LRRC4C: variants seen among roughly 807,000 people sequenced by gnomAD.
LRRC4C encodes the protein leucine-rich repeat-containing protein 4C.
Under a neutral mutation model 33.6 loss-of-function variants are expected in LRRC4C, and 5 were observed. That is an observed-to-expected ratio of 0.15 (90% CI 0.08 to 0.31). The LOEUF (loss-of-function observed/expected upper bound fraction) is 0.31, where lower values mean the gene tolerates loss of function less well. Among genes scored for constraint, LRRC4C ranks in the 10% least tolerant of loss-of-function variants. The probability of loss-of-function intolerance (pLI) is 1.00; values close to 1 mark genes in which losing one functional copy is unlikely to be tolerated. For synonymous variants in LRRC4C, 329 were observed against 302.0 expected, an observed-to-expected ratio of 1.09 and a Z score of -0.93; for missense variants, 560 against 796.7, an observed-to-expected ratio of 0.70 and a Z score of 3.58.
rs1394842107 is a variant in LRRC4C, at chr11:41,411,128, T to C, written c.-496+48303A>G. ...GCACTTGCTTTTAGATGAGAAACAC[T>C]TGGTTGGTACCCTATTTTTTTTTTT... On this transcript the variant is annotated intron_variant, in intron 1 of 6. Transcript: ENST00000528697. Among the ~76,000 whole-genome samples the C allele has an allele frequency of 2.7e-5, 4 of 147,460 alleles. No homozygotes were observed. In the East Asian group the frequency reaches 6.1e-4, roughly 22 times the overall value.
chr11:40,536,172 T>C (rs919027602), intron 3 of LRRC4C, among the ~76,000 whole-genome samples: 3 of 152,170 alleles, frequency 2.0e-5, no homozygotes, highest in Non-Finnish European at 4.4e-5. Flanking sequence ...AAACTAGGTA[T>C]AAGGCTGAAC....
chr11:41,238,071 T>A (rs1025155353), intron 1 of LRRC4C, among the ~76,000 whole-genome samples: 2 of 152,186 alleles, frequency 1.3e-5, no homozygotes, highest in African/African-American at 4.8e-5. Context: ...CCACTTCCTA[T>A]GAACAAATGT....
chr11:40,785,308 T>C (rs188505744), intron 2 of LRRC4C, among the ~76,000 whole-genome samples: 37 of 152,296 alleles, frequency 2.4e-4, no homozygotes, highest in Admixed American at 1.4e-3. Context: ...AGCATGTCCT[T>C]CAACTTTTAA....
intron 1 of LRRC4C, among the ~76,000 whole-genome samples, chr11:41,013,712 T>TA (rs1321264139): frequency 6.6e-6 from 1 of 152,160 alleles, no homozygotes; most frequent in African/African-American, 2.4e-5. Flanking sequence ...ATGATGCCTG[T>TA]ATTAGTCCGT....
At chr11:41,115,268 A>C (rs1942055085) in intron 1 of LRRC4C, among the ~76,000 whole-genome samples, 1 of 152,076 alleles carries the variant, frequency 6.6e-6, no homozygotes, top group African/African-American at 2.4e-5. Flanking sequence ...TTTAGTCATA[A>C]AATTTGAATT....
At chr11:40,643,699 A>G (rs1309699272) in intron 3 of LRRC4C, among the ~76,000 whole-genome samples, 1 of 152,178 alleles carries the variant, frequency 6.6e-6, no homozygotes, top group East Asian at 1.9e-4. Flanking sequence ...CCTCCCAGCC[A>G]GGGAGGTATC....
chr11:41,334,670 A>G (rs1014360225), intron 1 of LRRC4C, among the ~76,000 whole-genome samples: 5 of 152,042 alleles, frequency 3.3e-5, no homozygotes, highest in Non-Finnish European at 7.4e-5. Context: ...CTCTCTGCAA[A>G]TATTAAAATA....
At chr11:40,681,146 T>C (rs1278088384) in intron 2 of LRRC4C, among the ~76,000 whole-genome samples, 1 of 152,188 alleles carries the variant, frequency 6.6e-6, no homozygotes, top group Non-Finnish European at 1.5e-5. Flanking sequence ...AGCAGCCTAA[T>C]AGCAGAGGTA....
At chr11:40,452,348 A>T (rs1951926496) in intron 3 of LRRC4C, among the ~76,000 whole-genome samples, 1 of 152,058 alleles carries the variant, frequency 6.6e-6, no homozygotes, top group African/African-American at 2.4e-5. Context: ...AAAACAAACA[A>T]CCCCATCAAA....
In LRRC4C at chr11:40,314,538, C is replaced by T. The variant is rs1237641933; in HGVS notation, c.-176+5090G>A. On this transcript the variant is annotated intron_variant, in intron 4 of 6. Transcript: ENST00000528697. ...GAACTGCCATGTGATCCAGCAATCA[C>T]ATTACTGGGCATTTATCCAAAGGAG... Among the ~76,000 whole-genome samples the T allele has an allele frequency of 2.0e-5, 3 of 152,214 alleles. No homozygotes were observed. The East Asian group carries it at 5.8e-4, about 29-fold the overall frequency.
intron 2 of LRRC4C, among the ~76,000 whole-genome samples, chr11:40,768,129 G>A (rs1178308079): frequency 6.6e-6 from 1 of 151,862 alleles, no homozygotes; most frequent in African/African-American, 2.4e-5. Context: ...CAGAAATAAA[G>A]GAGACATTAC....
intron 6 of LRRC4C, among the ~76,000 whole-genome samples, chr11:40,117,315 C>A (rs999118624): frequency 2.6e-5 from 4 of 152,182 alleles, no homozygotes; most frequent in Non-Finnish European, 5.9e-5. Context: ...GAAACAGTGA[C>A]ATGCACATGT....
chr11:40,251,067 T>C (rs1207292378), intron 4 of LRRC4C, among the ~76,000 whole-genome samples: 2 of 152,170 alleles, frequency 1.3e-5, no homozygotes, highest in Non-Finnish European at 2.9e-5. Flanking sequence ...GCAGCAGTAG[T>C]ACATTTTGCA....
At chr11:41,059,917 C>T (rs753890486) in intron 1 of LRRC4C, among the ~76,000 whole-genome samples, 25 of 152,030 alleles carry the variant, frequency 1.6e-4, no homozygotes, top group Admixed American at 1.2e-3. Context: ...TCCAGCTACT[C>T]GGGGGTCTGA....
At chr11:41,269,551 C>A (rs544499724) in intron 1 of LRRC4C, among the ~76,000 whole-genome samples, 1 of 152,042 alleles carries the variant, frequency 6.6e-6, no homozygotes, top group Admixed American at 6.6e-5. Flanking sequence ...CCTGGACCAC[C>A]AGGGAGAAGG....
At chr11:40,285,108 G>A (rs1309448504) in intron 4 of LRRC4C, among the ~76,000 whole-genome samples, 1 of 152,080 alleles carries the variant, frequency 6.6e-6, no homozygotes, top group Non-Finnish European at 1.5e-5. Flanking sequence ...AATATAACAT[G>A]TATTTTTTTC....
intron 3 of LRRC4C, among the ~76,000 whole-genome samples, chr11:40,508,756 CTGGG>C (rs1955161763): frequency 6.6e-6 from 1 of 152,090 alleles, no homozygotes; most frequent in African/African-American, 2.4e-5. Flanking sequence ...TTCAAGGCTG[CTGGG>C]ATATTATATG....
chr11:41,078,683 C>A (rs546136964), intron 1 of LRRC4C, among the ~76,000 whole-genome samples: 5 of 152,224 alleles, frequency 3.3e-5, no homozygotes, highest in Admixed American at 3.3e-4. Context: ...CCACCAGGCA[C>A]CTCTTCTGAC....
intron 1 of LRRC4C, among the ~76,000 whole-genome samples, chr11:41,454,386 C>A (rs1956117014): frequency 6.6e-6 from 1 of 152,060 alleles, no homozygotes; most frequent in South Asian, 2.1e-4. Flanking sequence ...TGCAGCATTC[C>A]CTGTCCAAAT....
Sources: gnomAD v4.1 joint callset for allele counts (sites outside exome capture counted in the v4.1 genomes callset) on GRCh38, gnomAD v4.1.1 for gene constraint, MANE v1.5 for transcripts, NCBI Gene and HGNC (gene_info 2026-07-23, HGNC 2026-07-21) for gene names.